The following ENTPD7 variants were observed in gnomAD, a reference collection of about 807,000 sequenced individuals.
The protein encoded by ENTPD7 is ectonucleoside triphosphate diphosphohydrolase 7.
ENTPD7 carries 53 observed loss-of-function variants against 77.9 expected under a neutral mutation model. That is an observed-to-expected ratio of 0.68 (90% CI 0.55 to 0.85). The LOEUF (loss-of-function observed/expected upper bound fraction) is 0.85, where lower values mean the gene tolerates loss of function less well. Among genes scored for constraint, ENTPD7 ranks in the 40% least tolerant of loss-of-function variants. ENTPD7 has a pLI of 0.00. For synonymous variants in ENTPD7, 248 were observed against 274.9 expected, an observed-to-expected ratio of 0.90 and a Z score of 0.97; for missense variants, 636 against 743.7, an observed-to-expected ratio of 0.86 and a Z score of 1.68.
At chr10:99,665,441 C>G (rs2035537434) in intron 3 of ENTPD7, among the ~76,000 whole-genome samples, 1 of 152,112 alleles carries the variant, frequency 6.6e-6, no homozygotes, top group African/African-American at 2.4e-5. Context: ...GGGACACATG[C>G]CTACCCTCCT....
At chr10:99,670,221 C>T (rs1178219589) in intron 3 of ENTPD7, among the ~76,000 whole-genome samples, 1 of 152,178 alleles carries the variant, frequency 6.6e-6, no homozygotes, top group African/African-American at 2.4e-5. Context: ...TCACTACCCA[C>T]AAGTGGCTAA....
intron 8 of ENTPD7, among the ~76,000 whole-genome samples, chr10:99,694,546 T>TG (rs1471318538): frequency 1.3e-5 from 2 of 150,840 alleles, no homozygotes; most frequent in Admixed American, 6.6e-5. Context: ...TTGTTTTTTT[T>TG]TTTTTTTGAG....
chr10:99,672,835 C>T lies in ENTPD7; in HGVS notation c.192-6426C>T, dbSNP rs73343180. Among the ~76,000 whole-genome samples, 732 of 152,256 alleles carry T rather than the reference C, an allele frequency of 4.8e-3. 3 individuals are homozygous for T. Among genetic ancestry groups the T allele is most frequent in the African/African-American group, 0.016 (680 of 41,530 alleles). On this transcript the variant is annotated intron_variant, in intron 3 of 12. Transcript: ENST00000370489. ...ATGACATTCAGCAAAGAATTAGTAG[C>T]CCCATACTCATGGGGGCTACTTCAA...
chr10:99,668,213 G>C (rs1459116305), intron 3 of ENTPD7, among the ~76,000 whole-genome samples: 1 of 152,076 alleles, frequency 6.6e-6, no homozygotes, highest in African/African-American at 2.4e-5. Flanking sequence ...GGGATTACAG[G>C]CGTGAGCCAC....
At chr10:99,683,258 TG>T (rs1370505697) in intron 5 of ENTPD7, among the ~76,000 whole-genome samples, 1 of 152,202 alleles carries the variant, frequency 6.6e-6, no homozygotes, top group Non-Finnish European at 1.5e-5. Flanking sequence ...GAACCTGTTT[TG>T]TATGATTAAA....
chr10:99,694,746 A>G lies in ENTPD7; in HGVS notation c.844-1210A>G, dbSNP rs58848039. On this transcript the variant is annotated intron_variant, in intron 8 of 12. Transcript: ENST00000370489. ...GAGACGGAGTTTCACCATGTTGGCC[A>G]GGCTGGTCTCGAACTCCTGGCCTCA... Among the ~76,000 whole-genome samples, 191 of 152,164 alleles carry G rather than the reference A, an allele frequency of 1.3e-3. 1 individual carries two copies. Among genetic ancestry groups the G allele is most frequent in the African/African-American group, 4.5e-3 (187 of 41,520 alleles).
intron 8 of ENTPD7, 64 bp downstream of exon 8, chr10:99,691,582 G>C (rs1464695908): frequency 6.3e-7 from 1 of 1,582,504 alleles, no homozygotes; most frequent in East Asian, 2.2e-5. Context: ...GAAGGACACT[G>C]TCTTTGGACT....
At chr10:99,683,865 A>G (rs1389179558) in intron 5 of ENTPD7, among the ~76,000 whole-genome samples, 3 of 152,144 alleles carry the variant, frequency 2.0e-5, no homozygotes, top group Admixed American at 1.3e-4. Flanking sequence ...TGGTATTTCC[A>G]GTTTTTCATT....
chr10:99,702,612 G>C lies in ENTPD7; in HGVS notation c.1522G>C (p.Asp508His), dbSNP rs758532534. ...PNLRTAQLVY[D>H]REVQWTLGAI... ...CCTGCGGACAGCCCAGCTGGTGTAT[G>C]ACCGAGAGGTTCAGTGGACGCTGGG... Residue 508 changes from aspartate to histidine, a missense_variant, in exon 12 of 13, where the codon GAC (aspartate) becomes CAC (histidine). Asp to His is a moderately conservative substitution (Grantham distance 81). Around this residue, in one of 3 missense-constraint regions of ENTPD7, gnomAD observed 138 missense variants for 150.9 expected, o/e 0.91. Transcript: ENST00000370489. 12 of 1,613,746 alleles carry C rather than the reference G, an allele frequency of 7.4e-6. No homozygotes were observed. In the South Asian group the frequency reaches 1.1e-4, roughly 15 times the overall value.
intron 5 of ENTPD7, among the ~76,000 whole-genome samples, chr10:99,681,860 C>A (rs1244552887): frequency 1.3e-5 from 2 of 152,142 alleles, no homozygotes; most frequent in Non-Finnish European, 2.9e-5. Context: ...AAGTCTTTAG[C>A]CCATTTTTAC....
intron 2 of ENTPD7, among the ~76,000 whole-genome samples, chr10:99,660,886 C>T (rs1265984202): frequency 1.3e-5 from 2 of 150,916 alleles, no homozygotes; most frequent in East Asian, 3.9e-4. Flanking sequence ...TGCGCTACTA[C>T]ACTCCAGCCT....
intron 3 of ENTPD7, 119 bp downstream of exon 3, chr10:99,661,747 A>G: frequency 2.3e-6 from 2 of 873,306 alleles, no homozygotes; most frequent in Non-Finnish European, 3.3e-6. Flanking sequence ...ATTGCATGCC[A>G]TTTATTACAT....
Position 99,709,732 on chromosome 10 carries a change from C to T in ENTPD7, c.*5049C>T, listed in dbSNP as rs778159694. The T allele has an allele frequency of 2.1e-4, 208 of 985,242 alleles. No individual in the cohort carries two copies. The highest frequency in any genetic ancestry group is 2.5e-4 in the Non-Finnish European group (207 of 829,892). 61.0% of individuals were successfully genotyped at this position (985,242 alleles called of 1,614,324 possible). On this transcript the variant is annotated 3_prime_UTR_variant, in exon 13 of 13. Transcript: ENST00000370489. ...TTGTTCAAGCTTCATTTTAAGCCTG[C>T]TCTGTCTACTTATCTTCCTTATATC...
At chr10:99,661,655 C>T (rs779996814) in intron 3 of ENTPD7, 27 bp downstream of exon 3, 92 of 1,569,648 alleles carry the variant, frequency 5.9e-5, no homozygotes, top group Non-Finnish European at 7.3e-5. Flanking sequence ...TTTTGGCACT[C>T]AAGTCATAAA....
At chr10:99,674,401 A>C (rs11190239) in intron 3 of ENTPD7, among the ~76,000 whole-genome samples, 15,592 of 152,282 alleles carry the variant, frequency 0.1, 1,009 homozygotes, top group East Asian at 0.31. Context: ...GTTGTGACAC[A>C]GATCTCCAGA....
chr10:99,704,115 T>C (rs895642538), intron 12 of ENTPD7, among the ~76,000 whole-genome samples: 2 of 152,218 alleles, frequency 1.3e-5, no homozygotes, highest in African/African-American at 4.8e-5. Flanking sequence ...TAGTACTGTA[T>C]TTATAAGCCA....
intron 3 of ENTPD7, among the ~76,000 whole-genome samples, chr10:99,663,364 A>G (rs2035509952): frequency 6.6e-6 from 1 of 151,482 alleles, no homozygotes; most frequent in Non-Finnish European, 1.5e-5. Flanking sequence ...TATAGAATGT[A>G]TCTTTTTCCT....
At chr10:99,695,870 T>C in intron 8 of ENTPD7, 86 bp from the exon 9 acceptor site, 4 of 1,274,972 alleles carry the variant, frequency 3.1e-6, no homozygotes, top group Non-Finnish European at 2.2e-6. Context: ...GTCATAGAAA[T>C]GAAGCCTCGT....
At chr10:99,666,290 C>G (rs1267207696) in intron 3 of ENTPD7, among the ~76,000 whole-genome samples, 1 of 152,108 alleles carries the variant, frequency 6.6e-6, no homozygotes, top group Non-Finnish European at 1.5e-5. Flanking sequence ...TCACTACAAC[C>G]TCCGCCTCCC....
Sources: allele counts gnomAD v4.1 joint callset (sites outside exome capture counted in the v4.1 genomes callset), GRCh38; gene constraint gnomAD v4.1.1; regional missense constraint gnomAD v4.1.1; transcripts MANE v1.5; gene names NCBI Gene and HGNC (gene_info 2026-07-23, HGNC 2026-07-21).